USH2A: variants seen among roughly 807,000 people sequenced by gnomAD.
The protein encoded by USH2A is usherin.
In USH2A, 443 loss-of-function variants were observed where a neutral mutation model predicts 538.9. That is an observed-to-expected ratio of 0.82 (90% CI 0.76 to 0.89). The LOEUF (loss-of-function observed/expected upper bound fraction) is 0.89. Among genes scored for constraint, USH2A ranks in the 40% least tolerant of loss-of-function variants. USH2A has a pLI of 0.00. For synonymous variants in USH2A, 2,413 were observed against 2,273.5 expected, an observed-to-expected ratio of 1.06 and a Z score of -1.75; for missense variants, 6,633 against 6,324.8, an observed-to-expected ratio of 1.05 and a Z score of -1.65.
rs111033525 is a variant in USH2A at position 215,647,649 on chromosome 1, C to T, written c.14664G>A (p.Thr4888=). 1,644 of 1,614,016 alleles carry T rather than the reference C, an allele frequency of 1.0e-3. 1 individual carries two copies. The highest frequency in any genetic ancestry group is 1.3e-3 in the Non-Finnish European group (1,516 of 1,180,040). The change falls in exon 67 of 72, where the codon ACG becomes ACA. Residue 4888 remains threonine (T), a synonymous_variant. Coordinates refer to ENST00000307340, the MANE Select transcript of USH2A (RefSeq NM_206933.4). ...CAAGGCTGGCTTTCTGCCCCAGCCC[C>T]GTGTACTTTGTTTCTATTTGGCTGG... The part of the protein sequence containing the change: ...CTPSQIETKY[T]GLGQKASLGG...
At chr1:215,756,533 A>T (rs1457351043) in intron 58 of USH2A, among the ~76,000 whole-genome samples, 1 of 152,168 alleles carries the variant, frequency 6.6e-6, no homozygotes, top group African/African-American at 2.4e-5. Flanking sequence ...CTTTCTTGTC[A>T]ATAGGCTAAA....
In USH2A at chr1:216,246,958, T is replaced by C. The variant is rs749096645; in HGVS notation, c.2436A>G (p.Thr812=). ...CATTGGGCTTGCAGATGCACTGCCC[T>C]GTCTTAGCATTACAGACAGTCCCAG... ...SLPGTVCNAK[T]GQCICKPNVE... Residue 812 remains threonine (T), a synonymous_variant, in exon 13 of 72, where the codon ACA becomes ACG. Transcript: ENST00000307340. The C allele has an allele frequency of 1.9e-6, 3 of 1,614,116 alleles. No individual in the cohort carries two copies. The highest frequency in any genetic ancestry group is 2.2e-5 in the East Asian group (1 of 44,854).
chr1:216,038,473 A>G (rs1438538043), intron 32 of USH2A, among the ~76,000 whole-genome samples: 1 of 142,650 alleles, frequency 7.0e-6, no homozygotes, highest in Non-Finnish European at 1.5e-5. Flanking sequence ...TGCATTTTCC[A>G]TAAGCTTTTT....
intron 21 of USH2A, among the ~76,000 whole-genome samples, chr1:216,139,492 T>C (rs1223405008): frequency 6.6e-6 from 1 of 152,128 alleles, no homozygotes; most frequent in East Asian, 1.9e-4. Context: ...TGTGTATTGC[T>C]ATTAACTTAC....
chr1:216,298,964 C>T (rs1255761874), intron 9 of USH2A, among the ~76,000 whole-genome samples: 1 of 152,036 alleles, frequency 6.6e-6, no homozygotes, highest in Non-Finnish European at 1.5e-5. Context: ...CCTCAACCTC[C>T]CGAGTAGCTG....
intron 35 of USH2A, among the ~76,000 whole-genome samples, chr1:215,977,079 T>A (rs1190006846): frequency 1.3e-5 from 2 of 151,634 alleles, no homozygotes; most frequent in African/African-American, 2.4e-5. Context: ...TCAGAGACTA[T>A]TATAAACACC....
rs1392402514 is a variant in USH2A, at chr1:215,675,115, G to A, written c.12796C>T (p.Leu4266Phe). 7 of 1,613,980 alleles carry A rather than the reference G, an allele frequency of 4.3e-6. No homozygotes were observed. The highest frequency in any genetic ancestry group is 5.9e-6 in the Non-Finnish European group (7 of 1,180,020). The stretch of plus-strand genomic sequence containing the variant: ...ACATAGGATATCACAGGTGGAGAGA[G>A]ACCTTCTGGAGGTGCTTGCAATGTC... ...VRTLQAPPEG[L>F]SPPVISYVSM... is the part of the protein sequence containing the mutation. Residue 4266 changes from leucine to phenylalanine, a missense_variant, in exon 63 of 72, where the codon CTC becomes TTC. Leu to Phe is a conservative substitution (Grantham distance 22). Coordinates refer to ENST00000307340, the MANE Select transcript of USH2A (RefSeq NM_206933.4).
In USH2A at chr1:216,159,058, C is replaced by T. The variant is rs115062872; in HGVS notation, c.4627+16194G>A. Among the ~76,000 whole-genome samples the T allele has an allele frequency of 3.1e-3, 471 of 152,084 alleles. 1 individual carries two copies. The highest frequency in any genetic ancestry group is 0.011 in the African/African-American group (445 of 41,500). On this transcript the variant is annotated intron_variant, in intron 21 of 71. Coordinates refer to ENST00000307340, the MANE Select transcript of USH2A (RefSeq NM_206933.4). Reference sequence around the variant, plus strand: ...TGATTTCTGTACATTGACCTTTATTCGACACTTTTCTAAGTTTACTGAGTA... The same window carrying T: ...TGATTTCTGTACATTGACCTTTATTTGACACTTTTCTAAGTTTACTGAGTA...
At chr1:216,204,109 GTCTAGTGC>G (rs1489665188) in intron 16 of USH2A, 2 of 154,358 alleles carry the variant, frequency 1.3e-5, no homozygotes, top group Non-Finnish European at 2.9e-5. Flanking sequence ...TGCCTACTAT[GTCTAGTGC>G]TCCTTTGATT....
At chr1:216,359,498 C>A (rs11802273) in intron 4 of USH2A, among the ~76,000 whole-genome samples, 5 of 151,934 alleles carry the variant, frequency 3.3e-5, no homozygotes, top group African/African-American at 9.7e-5. Flanking sequence ...ATATTTAAAC[C>A]AGAGCTTGGC....
At chr1:215,714,530 T>C (rs1412110944) in intron 61 of USH2A, among the ~76,000 whole-genome samples, 1 of 152,188 alleles carries the variant, frequency 6.6e-6, no homozygotes, top group African/African-American at 2.4e-5. Flanking sequence ...AAAAGAATAA[T>C]TTTTTGGTTT....
At chr1:215,770,519 GGTCT>G (rs1193534569) in intron 55 of USH2A, among the ~76,000 whole-genome samples, 1 of 151,614 alleles carries the variant, frequency 6.6e-6, no homozygotes, top group Non-Finnish European at 1.5e-5. Context: ...TGTTTTTGTT[GGTCT>G]GTTTTTAATT....
At chr1:215,759,590 G>A in intron 57 of USH2A, 70 bp downstream of exon 57, 1 of 1,570,516 alleles carries the variant, frequency 6.4e-7, no homozygotes, top group Non-Finnish European at 8.8e-7. Flanking sequence ...AGTGGGACAT[G>A]CATTTCTTAT....
At chr1:216,379,182 T>C (rs966912745) in intron 3 of USH2A, among the ~76,000 whole-genome samples, 18 of 152,146 alleles carry the variant, frequency 1.2e-4, no homozygotes, top group Non-Finnish European at 2.1e-4. Flanking sequence ...TTCCTGTCCC[T>C]GGCAGTCACA....
At chr1:216,210,035 C>T (rs2035204752) in intron 15 of USH2A, among the ~76,000 whole-genome samples, 1 of 152,114 alleles carries the variant, frequency 6.6e-6, no homozygotes, top group Non-Finnish European at 1.5e-5. Flanking sequence ...TCATGAGACC[C>T]TCATTTTAGA....
At chr1:216,194,018 C>G (rs1481864923) in intron 19 of USH2A, 1 of 152,120 alleles carries the variant, frequency 6.6e-6, no homozygotes, top group Non-Finnish European at 1.5e-5. Flanking sequence ...GCTGCTCAAT[C>G]CTACATACTT....
At chr1:215,928,684 T>C (rs1196834924) in intron 38 of USH2A, among the ~76,000 whole-genome samples, 1 of 152,108 alleles carries the variant, frequency 6.6e-6, no homozygotes, top group Non-Finnish European at 1.5e-5. Context: ...AGTTTCTTTC[T>C]GGGAATTCTG....
At chr1:216,387,712 A>T (rs554871929) in intron 3 of USH2A, among the ~76,000 whole-genome samples, 1 of 152,188 alleles carries the variant, frequency 6.6e-6, no homozygotes, top group African/African-American at 2.4e-5. Flanking sequence ...CAAACGTTAA[A>T]ATCTATTTTA....
At chr1:216,050,604 C>CTTTCTTTCTTTCTTTCTTTCTTTT (rs1195871302) in intron 30 of USH2A, among the ~76,000 whole-genome samples, 3 of 68,564 alleles carry the variant, frequency 4.4e-5, no homozygotes, top group African/African-American at 1.1e-4. Flanking sequence ...TTCTTTCTTT[C>CTTTCTTTCTTTCTTTCTTTCTTTT]TTTTTTTTTT....
Sources: allele counts gnomAD v4.1 joint callset (sites outside exome capture counted in the v4.1 genomes callset), GRCh38; gene constraint gnomAD v4.1.1; transcripts MANE v1.5; gene names NCBI Gene and HGNC (gene_info 2026-07-23, HGNC 2026-07-21).